WBP2NL: variants seen among roughly 807,000 people sequenced by gnomAD.
WBP2NL encodes postacrosomal sheath WW domain-binding protein.
WBP2NL carries 27 observed loss-of-function variants against 23.3 expected under a neutral mutation model. The ratio of observed to expected loss-of-function variants is 1.16; its 90% CI spans 0.85 to 1.60. WBP2NL has a LOEUF of 1.60. WBP2NL is among the 40% of genes most tolerant of loss of function. WBP2NL has a pLI of 0.00. For synonymous variants in WBP2NL, 151 were observed against 145.9 expected (o/e 1.03, Z -0.25); for missense variants, 370 against 389.5 (o/e 0.95, Z 0.42).
downstream of WBP2NL, among the ~76,000 whole-genome samples, chr22:42,036,502 C>A (rs1339144981): frequency 6.6e-6 from 1 of 152,130 alleles, no homozygotes; most frequent in Non-Finnish European, 1.5e-5. Flanking sequence ...TTTTTGGGAA[C>A]CTTCATACTT....
At position 42,057,831 on chromosome 22, in the gene WBP2NL, A is replaced by T. The variant is rs549576001; in HGVS notation, c.*274-459A>T. On this transcript the variant is annotated intron_variant and NMD_transcript_variant, in intron 8 of 8. Transcript: ENST00000436265. ...TAGGAAAATTGTATTAAGGTCATAT[A>T]TATATATATATATATACACATATAT... 8.6e-3 allele frequency among the ~76,000 whole-genome samples: 351 copies of T among 41,042 alleles called. 1 individual carries two copies. Among genetic ancestry groups the T allele is most frequent in the Non-Finnish European group, 0.02 (290 of 14,716 alleles). 26.9% of individuals were successfully genotyped at this position (41,042 alleles called of 152,430 possible). A position where few individuals can be genotyped will look rare whatever the true frequency, so the allele number is the denominator to read the frequency against.
chr22:42,033,170 G>T (rs1925052748), downstream of WBP2NL, among the ~76,000 whole-genome samples: 1 of 152,198 alleles, frequency 6.6e-6, no homozygotes, highest in South Asian at 2.1e-4. Flanking sequence ...TGTGCCAGCT[G>T]CTGCAGTGGG....
At chr22:42,001,307 A>T in intron 1 of WBP2NL, 1 of 692,842 alleles carries the variant, frequency 1.4e-6, no homozygotes, top group Non-Finnish European at 2.7e-6. Flanking sequence ...AACGGCAGTG[A>T]CAGTCTGTGC....
chr22:42,039,568 G>A (rs965157548), intron 8 of WBP2NL, among the ~76,000 whole-genome samples: 2 of 151,900 alleles, frequency 1.3e-5, no homozygotes, highest in Admixed American at 1.3e-4. Flanking sequence ...TTCTTGATTC[G>A]GTCTTGGTAG....
rs1320736479 is a variant in WBP2NL, at chr22:42,048,770, G to GA, written c.*274-9516dup. Among the ~76,000 whole-genome samples, 12 of 114,582 alleles carry GA rather than the reference G, an allele frequency of 1.0e-4. No individual in the cohort carries two copies. In the East Asian group the frequency reaches 6.1e-3, roughly 58 times the overall value. The allele number at this position is 114,582 out of a possible 152,430, so 75.2% of individuals were successfully genotyped here. On this transcript the variant is annotated intron_variant and NMD_transcript_variant, in intron 8 of 8. Coordinates refer to the WBP2NL transcript ENST00000436265. ...GACTCGGTCTCAAAAAAAAAAAAAA[G>GA]AAAAGAAAAAAAAGAAACCCTCAGC...
chr22:42,011,864 C>T (rs549452850), intron 1 of WBP2NL, among the ~76,000 whole-genome samples: 66 of 152,180 alleles, frequency 4.3e-4, no homozygotes, highest in African/African-American at 1.5e-3. Flanking sequence ...CCTTTGCCTC[C>T]TGGGTTAAAG....
chr22:42,057,550 A>G (rs544340946), intron 8 of WBP2NL, among the ~76,000 whole-genome samples: 1 of 119,184 alleles, frequency 8.4e-6, no homozygotes, highest in East Asian at 6.5e-4. Flanking sequence ...CTAGAATTCA[A>G]CTTTTTTTTT....
chr22:42,058,046 G>A (rs9623510), intron 8 of WBP2NL, among the ~76,000 whole-genome samples: 10,307 of 146,064 alleles, frequency 0.071, 1,244 homozygotes, highest in African/African-American at 0.25. Context: ...CCTCCCGAGT[G>A]GCTGGGACTA....
At chr22:42,000,927 A>G in intron 1 of WBP2NL, 1 of 337,586 alleles carries the variant, frequency 3.0e-6, no homozygotes, top group Non-Finnish European at 5.4e-6. Context: ...CAAAAGGTGG[A>G]GGTTGCAGTG....
At chr22:42,033,748 A>C (rs1361684664), downstream of WBP2NL, among the ~76,000 whole-genome samples, 1 of 152,172 alleles carries the variant, frequency 6.6e-6, no homozygotes, top group African/African-American at 2.4e-5. Context: ...GGGGTCCTGG[A>C]ATGGGTAGCT....
chr22:42,052,065 G>A (rs958132730), intron 8 of WBP2NL, among the ~76,000 whole-genome samples: 4 of 152,120 alleles, frequency 2.6e-5, no homozygotes, highest in East Asian at 1.9e-4. Flanking sequence ...TCTATAAACC[G>A]GTCAGTCTTT....
intron 8 of WBP2NL, among the ~76,000 whole-genome samples, chr22:42,041,326 A>G (rs555766853): frequency 1.8e-3 from 279 of 152,050 alleles, no homozygotes; most frequent in African/African-American, 6.5e-3. Flanking sequence ...TACTAAAAAT[A>G]TATAAATTAG....
chr22:42,034,349 G>T (rs1022922811), downstream of WBP2NL, among the ~76,000 whole-genome samples: 19 of 152,210 alleles, frequency 1.2e-4, no homozygotes, highest in Admixed American at 5.2e-4. Flanking sequence ...GCATCCGGGG[G>T]AGACATCACA....
chr22:42,022,750 C>T (rs1371406970), intron 5 of WBP2NL, among the ~76,000 whole-genome samples: 2 of 152,198 alleles, frequency 1.3e-5, no homozygotes, highest in Non-Finnish European at 2.9e-5. Flanking sequence ...GGTCCTTTAA[C>T]AGTTTGTGTT....
intron 5 of WBP2NL, among the ~76,000 whole-genome samples, chr22:42,023,695 C>T (rs1250656058): frequency 6.6e-6 from 1 of 151,862 alleles, no homozygotes; most frequent in Non-Finnish European, 1.5e-5. Context: ...CGGGATTTCA[C>T]TGTGTTAGCC....
intron 8 of WBP2NL, among the ~76,000 whole-genome samples, chr22:42,045,791 G>C (rs558054204): frequency 6.6e-6 from 1 of 152,202 alleles, no homozygotes; most frequent in African/African-American, 2.4e-5. Flanking sequence ...GAAAATAGGA[G>C]GAGAGACTTG....
chr22:42,014,069 A>C (rs569551607), intron 1 of WBP2NL, among the ~76,000 whole-genome samples: 1 of 152,044 alleles, frequency 6.6e-6, no homozygotes, highest in Admixed American at 6.6e-5. Flanking sequence ...GGCATGAGCC[A>C]CCGCACCCCA....
chr22:42,055,837 A>G (rs1445763745), intron 8 of WBP2NL, among the ~76,000 whole-genome samples: 2 of 152,120 alleles, frequency 1.3e-5, no homozygotes, highest in African/African-American at 2.4e-5. Context: ...TGATATTAAC[A>G]TAGACCCTCC....
In WBP2NL at chr22:42,019,771, TCATTAAGGGAA is replaced by T; in HGVS notation, c.283_293del (p.Ile95TyrfsTer16). ...GAACAACCAGTATTTGCTGCAAACT[TCATTAAGGGAA>T]CTATTCAGGCAGCTCCATATGGTAA... is the stretch of plus-strand genomic sequence containing the variant. On this transcript the variant is annotated frameshift_variant, in exon 3 of 6. Coordinates refer to ENST00000328823, the MANE Select transcript of WBP2NL (RefSeq NM_152613.3). LOFTEE classifies it high-confidence loss of function. 1.9e-6 allele frequency: 3 copies of T among 1,614,232 alleles called. No homozygotes were observed. Among genetic ancestry groups the T allele is most frequent in the Non-Finnish European group, 2.5e-6 (3 of 1,180,036 alleles).
Sources: gnomAD v4.1 joint callset for allele counts (sites outside exome capture counted in the v4.1 genomes callset) on GRCh38, gnomAD v4.1.1 for gene constraint, MANE v1.5 for transcripts, NCBI Gene and HGNC (gene_info 2026-07-23, HGNC 2026-07-21) for gene names.